The following MAP3K2 variants were observed in gnomAD, a reference collection of about 807,000 sequenced individuals.
The protein encoded by MAP3K2 is mitogen-activated protein kinase kinase kinase 2.
In MAP3K2, 24 loss-of-function variants were observed where a neutral mutation model predicts 80.3. That is an observed-to-expected ratio of 0.30 (90% CI 0.22 to 0.42). The LOEUF (loss-of-function observed/expected upper bound fraction) is 0.42. Among genes scored for constraint, MAP3K2 ranks in the 10% least tolerant of loss-of-function variants. The probability of loss-of-function intolerance (pLI) is 1.00; values close to 1 mark genes in which losing one functional copy is unlikely to be tolerated. For missense variants in MAP3K2, 608 were observed against 750.1 expected (o/e 0.81, Z 2.21); for synonymous variants, 244 against 253.7 (o/e 0.96, Z 0.36).
intron 1 of MAP3K2, among the ~76,000 whole-genome samples, chr2:127,345,961 A>T (rs1178764503): frequency 6.6e-6 from 1 of 152,090 alleles, no homozygotes; most frequent in Non-Finnish European, 1.5e-5. Flanking sequence ...GATGAGGAAC[A>T]ATTTAAATCT....
chr2:127,301,371 C>T lies in MAP3K2; in HGVS notation c.*6208G>A, dbSNP rs1685589991. 1 of 152,242 alleles carries T rather than the reference C, an allele frequency of 6.6e-6. No individual in the cohort carries two copies. The highest frequency in any genetic ancestry group is 1.5e-5 in the Non-Finnish European group (1 of 68,034). 9.4% of individuals were successfully genotyped at this position (152,242 alleles called of 1,614,324 possible). On this transcript the variant is annotated 3_prime_UTR_variant, in exon 17 of 17. Coordinates refer to ENST00000682094, the MANE Select transcript of MAP3K2 (RefSeq NM_001371910.2). ...ATTGGCACATGTACAAGCTTAAATTCATGTCTACATAGTTCCTCAATAGTG... is the reference window on the plus strand; with the variant it reads ...ATTGGCACATGTACAAGCTTAAATTTATGTCTACATAGTTCCTCAATAGTG...
In MAP3K2 at chr2:127,323,543, T is replaced by C. The variant is rs982718941; in HGVS notation, c.838+359A>G. On this transcript the variant is annotated intron_variant, in intron 11 of 16. Transcript: ENST00000682094. ...CTACAAAAAAAATTTTTTAATTAGC[T>C]GGGTGTGATGGCAAATGCCTGTAAT... is the stretch of plus-strand genomic sequence containing the variant. Among the ~76,000 whole-genome samples the C allele has an allele frequency of 2.0e-5, 3 of 152,028 alleles. No individual in the cohort carries two copies. In the South Asian group the frequency reaches 6.2e-4, roughly 32 times the overall value.
At chr2:127,383,961 C>A (rs369990947) in intron 1 of MAP3K2, among the ~76,000 whole-genome samples, 8 of 151,290 alleles carry the variant, frequency 5.3e-5, no homozygotes, top group Non-Finnish European at 7.4e-5. Flanking sequence ...GCAAGCTCCA[C>A]CTCCCGGGTT....
intron 5 of MAP3K2, among the ~76,000 whole-genome samples, chr2:127,335,640 T>G (rs1686352043): frequency 6.6e-6 from 1 of 152,174 alleles, no homozygotes. Flanking sequence ...ATACATATAT[T>G]TTCCCCTATA....
chr2:127,337,196 G>C (rs1686390345), intron 4 of MAP3K2, among the ~76,000 whole-genome samples: 1 of 151,808 alleles, frequency 6.6e-6, no homozygotes, highest in Non-Finnish European at 1.5e-5. Flanking sequence ...TAGCAATTTT[G>C]TTGTCAACTA....
intron 12 of MAP3K2, among the ~76,000 whole-genome samples, chr2:127,319,533 G>A (rs557435244): frequency 1.3e-5 from 2 of 151,916 alleles, no homozygotes; most frequent in East Asian, 1.9e-4. Flanking sequence ...AAGGCTGGGC[G>A]CAGTGGCTCA....
At position 127,312,109 on chromosome 2, in the gene MAP3K2, A is replaced by G. The variant is rs754613331; in HGVS notation, c.1456+2645T>C. ...AACTAGATAGATGATGCTGTATTCTAGACAGTCTCTATTTAAGTGATATCA... is the reference window on the plus strand; with the variant it reads ...AACTAGATAGATGATGCTGTATTCTGGACAGTCTCTATTTAAGTGATATCA... On this transcript the variant is annotated intron_variant, in intron 15 of 16. Transcript: ENST00000682094. Among the ~76,000 whole-genome samples, 11 of 152,360 alleles carry G rather than the reference A, an allele frequency of 7.2e-5. No homozygotes were observed. In the South Asian group the frequency reaches 1.4e-3, roughly 20 times the overall value.
chr2:127,341,990 C>T (rs1048801908), intron 2 of MAP3K2, among the ~76,000 whole-genome samples: 7 of 152,020 alleles, frequency 4.6e-5, no homozygotes, highest in African/African-American at 1.7e-4. Context: ...AGAAGAACAT[C>T]CTCAATCAAA....
chr2:127,316,756 C>T (rs1025630977), intron 14 of MAP3K2: 2 of 152,150 alleles, frequency 1.3e-5, no homozygotes, highest in Admixed American at 6.5e-5. Flanking sequence ...ACATAAAGTA[C>T]ACAGCTTCAT....
chr2:127,332,257 T>C (rs1009055653), intron 5 of MAP3K2, among the ~76,000 whole-genome samples: 1 of 152,222 alleles, frequency 6.6e-6, no homozygotes. Context: ...TGGAAAACAT[T>C]TTAAAGCAAT....
intron 1 of MAP3K2, among the ~76,000 whole-genome samples, chr2:127,353,093 G>A (rs531777282): frequency 3.1e-4 from 47 of 152,174 alleles, no homozygotes; most frequent in African/African-American, 1.1e-3. Context: ...CCAAAGTGCC[G>A]AGATTGCAGC....
At chr2:127,309,330 A>G (rs1361563778) in intron 15 of MAP3K2, among the ~76,000 whole-genome samples, 2 of 152,056 alleles carry the variant, frequency 1.3e-5, no homozygotes, top group Admixed American at 6.6e-5. Context: ...GCAGGCTTTG[A>G]GCTTTTCATT....
intron 15 of MAP3K2, among the ~76,000 whole-genome samples, chr2:127,311,162 G>A (rs907679121): frequency 1.3e-5 from 2 of 152,188 alleles, no homozygotes; most frequent in African/African-American, 2.4e-5. Flanking sequence ...CTCCAGAGGA[G>A]AGTCCAGGGT....
intron 1 of MAP3K2, among the ~76,000 whole-genome samples, chr2:127,353,420 C>T (rs1337743965): frequency 6.6e-5 from 10 of 151,358 alleles, no homozygotes; most frequent in Admixed American, 2.6e-4. Flanking sequence ...ACCCTCCGCC[C>T]GGCAGCCGCC....
intron 6 of MAP3K2, 84 bp from the exon 7 acceptor site, chr2:127,330,092 T>G: frequency 1.3e-6 from 1 of 764,114 alleles, no homozygotes. Context: ...GTACAAAACA[T>G]TTTATATTGT....
chr2:127,357,394 CA>C (rs1686814810), intron 1 of MAP3K2, among the ~76,000 whole-genome samples: 1 of 152,092 alleles, frequency 6.6e-6, no homozygotes, highest in Non-Finnish European at 1.5e-5. Context: ...GAAGGTGAAG[CA>C]GGAGGATCCC....
intron 1 of MAP3K2, among the ~76,000 whole-genome samples, chr2:127,365,269 A>C (rs1367864455): frequency 6.6e-6 from 1 of 152,038 alleles, no homozygotes; most frequent in Non-Finnish European, 1.5e-5. Context: ...CAGAGGAGGA[A>C]GTGGGCTTAG....
chr2:127,370,421 T>C (rs570902895), intron 1 of MAP3K2, among the ~76,000 whole-genome samples: 27 of 152,150 alleles, frequency 1.8e-4, no homozygotes, highest in Non-Finnish European at 2.9e-4. Context: ...ACAGAACCCT[T>C]GAAAATGAAG....
intron 1 of MAP3K2, among the ~76,000 whole-genome samples, chr2:127,352,988 C>T (rs1460900001): frequency 1.3e-5 from 2 of 152,118 alleles, no homozygotes; most frequent in Non-Finnish European, 2.9e-5. Context: ...GATGGAGTCT[C>T]GTTCACTCAG....
Sources: allele counts gnomAD v4.1 joint callset (sites outside exome capture counted in the v4.1 genomes callset), GRCh38; gene constraint gnomAD v4.1.1; transcripts MANE v1.5; gene names NCBI Gene and HGNC (gene_info 2026-07-23, HGNC 2026-07-21).